CILK1: variants seen among roughly 807,000 people sequenced by gnomAD.
The protein encoded by CILK1 is serine/threonine-protein kinase ICK.
CILK1 carries 47 observed loss-of-function variants against 79.2 expected under a neutral mutation model. That is an observed-to-expected ratio of 0.59 (90% CI 0.47 to 0.76). The LOEUF is 0.76. CILK1 is among the 30% of genes least tolerant of loss of function. The pLI is 0.00. For missense variants in CILK1, 660 were observed against 769.5 expected, an observed-to-expected ratio of 0.86 and a Z score of 1.68; for synonymous variants, 266 against 275.9, an observed-to-expected ratio of 0.96 and a Z score of 0.36.
In CILK1 at chr6:53,016,261, G is replaced by GA; in HGVS notation, c.664-12dup. Reference sequence around the variant, plus strand: ...TTCAGGCCAGTCAGTCTGAAAGAAGGAAAAGATAGAAAATCTTGCTCAGCC... The same window carrying GA: ...TTCAGGCCAGTCAGTCTGAAAGAAGGAAAAAGATAGAAAATCTTGCTCAGCC... On this transcript the variant is annotated splice_polypyrimidine_tract_variant and intron_variant, in intron 7 of 13. Coordinates refer to ENST00000676107, the MANE Select transcript of CILK1 (RefSeq NM_014920.5). 6.2e-7 allele frequency: 1 copy of GA among 1,613,848 alleles called. No individual in the cohort carries two copies. Among genetic ancestry groups the GA allele is most frequent in the South Asian group, 1.1e-5 (1 of 91,066 alleles).
At chr6:53,044,791 CCA>C (rs1392047609) in intron 1 of CILK1, among the ~76,000 whole-genome samples, 1 of 152,148 alleles carries the variant, frequency 6.6e-6, no homozygotes, top group Non-Finnish European at 1.5e-5. Context: ...TACCTCTCCC[CCA>C]CACACCCTAG....
At position 53,032,691 on chromosome 6, in the gene CILK1, A is replaced by G. The variant is rs769638743; in HGVS notation, c.157-37T>C. On this transcript the variant is annotated intron_variant, in intron 3 of 13. Coordinates refer to ENST00000676107, the MANE Select transcript of CILK1 (RefSeq NM_014920.5). ...GGAATAAACACAAAACAAAACAAAT[A>G]TTAGAGAAAATCTGTTGTTGAAAAA... The G allele has an allele frequency of 4.6e-6, 7 of 1,536,144 alleles. No individual in the cohort carries two copies. In the South Asian group the frequency reaches 6.0e-5, roughly 13 times the overall value.
At chr6:53,036,864 A>C (rs1415905566) in intron 3 of CILK1, among the ~76,000 whole-genome samples, 3 of 152,182 alleles carry the variant, frequency 2.0e-5, no homozygotes, top group Non-Finnish European at 2.9e-5. Context: ...TCTAATACAG[A>C]AAATTATACT....
In CILK1 at chr6:53,013,868, A is replaced by G. The variant is rs1466216318; in HGVS notation, c.946T>C (p.Tyr316His). 1.9e-6 allele frequency: 3 copies of G among 1,613,982 alleles called. No individual in the cohort carries two copies. The South Asian group carries it at 3.3e-5, about 18-fold the overall frequency. ...TGGGCAGGTGGGACTGGCTTAATAT[A>G]AGGAGGTGGGCCTGCCTTTTCCAGG... ...GILEKAGPPPYIKPVPPAQPP... is the reference protein window; with the variant it reads ...GILEKAGPPPHIKPVPPAQPP... Residue 316 changes from tyrosine to histidine, a missense_variant, in exon 9 of 14, where the codon TAT becomes CAT. Coordinates refer to ENST00000676107, the MANE Select transcript of CILK1 (RefSeq NM_014920.5).
chr6:53,038,663 A>G (rs1766510749), intron 2 of CILK1, among the ~76,000 whole-genome samples: 2 of 152,216 alleles, frequency 1.3e-5, no homozygotes, highest in African/African-American at 4.8e-5. Context: ...TGTGCAATTC[A>G]AATTCCAGTT....
At chr6:53,023,975 G>A (rs1209391348) in intron 5 of CILK1, among the ~76,000 whole-genome samples, 1 of 152,208 alleles carries the variant, frequency 6.6e-6, no homozygotes, top group East Asian at 1.9e-4. Flanking sequence ...AGTGAGAGGA[G>A]GAAGTACTTC....
In CILK1 at chr6:53,018,336, TG is replaced by T; in HGVS notation, c.656del (p.Pro219GlnfsTer16). On this transcript the variant is annotated frameshift_variant, in exon 7 of 14. Transcript: ENST00000676107. LOFTEE classifies it high-confidence loss of function. ...CTTTGTTTTGTATCATTACCTTTTT[TG>T]GTGTCCCCAGCACTTGGCAAATTTT... ...IFKICQVLGT[P>X]KKTDWPEGYQ... 1 of 1,614,148 alleles carries T rather than the reference TG, an allele frequency of 6.2e-7. No homozygotes were observed. Among genetic ancestry groups the T allele is most frequent in the Non-Finnish European group, 8.5e-7 (1 of 1,179,986 alleles).
intron 1 of CILK1, among the ~76,000 whole-genome samples, chr6:53,050,319 C>T (rs1205346192): frequency 6.6e-6 from 1 of 151,884 alleles, no homozygotes. Context: ...TGAGACCTCA[C>T]TCCACAAGTA....
rs1763937354 is a variant in CILK1, at chr6:53,001,402, T to C, written c.*3747A>G. 1 of 152,288 alleles carries C rather than the reference T, an allele frequency of 6.6e-6. No homozygotes were observed. Among genetic ancestry groups the C allele is most frequent in the Non-Finnish European group, 1.5e-5 (1 of 68,044 alleles). 9.4% of individuals were successfully genotyped at this position (152,288 alleles called of 1,614,324 possible). ...AGGACAAACTATTTAAAAAGCAACA[T>C]TTTTTATTTCAGAAGGGTCTTGCTT... On this transcript the variant is annotated 3_prime_UTR_variant, in exon 14 of 14. Transcript: ENST00000676107.
At chr6:53,049,205 A>G (rs964737824) in intron 1 of CILK1, among the ~76,000 whole-genome samples, 12 of 152,242 alleles carry the variant, frequency 7.9e-5, no homozygotes, top group Non-Finnish European at 1.6e-4. Flanking sequence ...TATCCACTAC[A>G]GCTGAAAGCA....
intron 5 of CILK1, among the ~76,000 whole-genome samples, chr6:53,026,650 G>A (rs375403444): frequency 2.0e-5 from 3 of 152,116 alleles, no homozygotes; most frequent in East Asian, 3.8e-4. Flanking sequence ...ACTCTGATTC[G>A]TAGCAGGGTT....
chr6:53,020,120 T>C (rs968967507), intron 5 of CILK1, among the ~76,000 whole-genome samples: 1 of 152,210 alleles, frequency 6.6e-6, no homozygotes, highest in African/African-American at 2.4e-5. Flanking sequence ...TAAGTACTTA[T>C]TACTTTGCCT....
At chr6:53,014,094 A>G (rs1027850858) in intron 8 of CILK1, 112 bp from the exon 9 acceptor site, 5 of 851,310 alleles carry the variant, frequency 5.9e-6, no homozygotes, top group African/African-American at 1.7e-5. Context: ...TCTTAGCCCA[A>G]TTAGAAAACA....
At chr6:53,048,820 A>C (rs1297335062) in intron 1 of CILK1, among the ~76,000 whole-genome samples, 1 of 152,208 alleles carries the variant, frequency 6.6e-6, no homozygotes, top group Admixed American at 6.5e-5. Flanking sequence ...TAAGCCAAGC[A>C]AAGGAATTCT....
chr6:53,048,217 A>G (rs141473613), intron 1 of CILK1, among the ~76,000 whole-genome samples: 533 of 152,328 alleles, frequency 3.5e-3, no homozygotes, highest in Non-Finnish European at 5.7e-3. Context: ...GAACATAGTG[A>G]GGCATCTAAA....
At chr6:53,025,344 C>T (rs1765506919) in intron 5 of CILK1, among the ~76,000 whole-genome samples, 1 of 152,158 alleles carries the variant, frequency 6.6e-6, no homozygotes. Context: ...CCACAACAAA[C>T]TTGTGTCTTC....
intron 1 of CILK1, among the ~76,000 whole-genome samples, chr6:53,047,215 C>T (rs1312914456): frequency 2.0e-5 from 3 of 152,072 alleles, no homozygotes; most frequent in Admixed American, 6.5e-5. Flanking sequence ...CAATGGAGGG[C>T]GATGGGGCAA....
At chr6:53,044,665 A>T (rs1766942488) in intron 1 of CILK1, among the ~76,000 whole-genome samples, 1 of 152,178 alleles carries the variant, frequency 6.6e-6, no homozygotes. Flanking sequence ...CTCCAAATTC[A>T]CATGTTAAAG....
In CILK1 at chr6:53,004,837, A is replaced by C. The variant is rs1030585542; in HGVS notation, c.*312T>G. Reference sequence around the variant, plus strand: ...AAAGGAAAATCAATTAATTTTTAAAAAGTTCATTACAAAGTTGACTGTATA... The same window carrying C: ...AAAGGAAAATCAATTAATTTTTAAACAGTTCATTACAAAGTTGACTGTATA... On this transcript the variant is annotated 3_prime_UTR_variant, in exon 14 of 14. Transcript: ENST00000676107. The C allele has an allele frequency of 4.2e-6, 1 of 236,446 alleles. No individual in the cohort carries two copies. Among genetic ancestry groups the C allele is most frequent in the Admixed American group, 5.1e-5 (1 of 19,766 alleles). 14.6% of individuals were successfully genotyped at this position (236,446 alleles called of 1,614,324 possible). A position where few individuals can be genotyped will look rare whatever the true frequency, so the allele number is the denominator to read the frequency against.
Sources: gnomAD v4.1 joint callset for allele counts (sites outside exome capture counted in the v4.1 genomes callset) on GRCh38, gnomAD v4.1.1 for gene constraint, MANE v1.5 for transcripts, NCBI Gene and HGNC (gene_info 2026-07-23, HGNC 2026-07-21) for gene names.